TMEFF1: variants seen among roughly 807,000 people sequenced by gnomAD.
TMEFF1 encodes the protein transmembrane protein with EGF like and two follistatin like domains 1.
Under a neutral mutation model 47.5 loss-of-function variants are expected in TMEFF1, and 20 were observed. That is an observed-to-expected ratio of 0.42 (90% CI 0.30 to 0.61). The LOEUF is 0.61. Ranked by LOEUF, TMEFF1 falls within the 20% of genes least tolerant of loss-of-function variation. TMEFF1 has a pLI of 0.19. For missense variants in TMEFF1, 411 were observed against 471.1 expected (o/e 0.87, Z 1.18); for synonymous variants, 162 against 166.3 (o/e 0.97, Z 0.20).
rs182403567 is a variant in TMEFF1 at position 100,577,610 on chromosome 9, A to G, written c.*1010A>G. ...ATTTTAATATTTTGTTTGGAAAAGC[A>G]TGTTATAATATAATGTTTTCACTAT... On this transcript the variant is annotated 3_prime_UTR_variant, in exon 10 of 10. Transcript: ENST00000374879. The G allele has an allele frequency of 6.6e-6, 1 of 152,342 alleles. No individual in the cohort carries two copies. The highest frequency in any genetic ancestry group is 6.5e-5 in the Admixed American group (1 of 15,284). The allele number at this position is 152,342 out of a possible 1,614,324, so 9.4% of individuals were successfully genotyped here. A position where few individuals can be genotyped will look rare whatever the true frequency, so the allele number is the denominator to read the frequency against.
In TMEFF1 at chr9:100,568,570, C is replaced by T. The variant is rs2118568184; in HGVS notation, c.900-3948C>T. The stretch of plus-strand genomic sequence containing the variant: ...GATTGTATTTTGTGTCAACTGTCCT[C>T]CCTCCCTCCTTCCTTCCCTCCCTCT... On this transcript the variant is annotated intron_variant, in intron 8 of 9. Coordinates refer to ENST00000374879, the MANE Select transcript of TMEFF1 (RefSeq NM_003692.5). Among the ~76,000 whole-genome samples, 3 of 146,608 alleles carry T rather than the reference C, an allele frequency of 2.0e-5. No homozygotes were observed. The East Asian group carries it at 6.2e-4, about 30-fold the overall frequency.
intron 5 of TMEFF1, among the ~76,000 whole-genome samples, chr9:100,533,065 A>C (rs1838426058): frequency 1.6e-5 from 2 of 128,984 alleles, no homozygotes; most frequent in South Asian, 4.9e-4. Context: ...AGGAAGGGGA[A>C]TATCACACTC....
chr9:100,566,802 T>G (rs1303012619), intron 8 of TMEFF1, among the ~76,000 whole-genome samples: 3 of 152,124 alleles, frequency 2.0e-5, no homozygotes, highest in Non-Finnish European at 4.4e-5. Flanking sequence ...CCTCCTGGGT[T>G]CAAATGATTC....
intron 1 of TMEFF1, among the ~76,000 whole-genome samples, chr9:100,481,609 GGGTTTGAGTGACATTAT>G (rs1837339110): frequency 6.6e-6 from 1 of 152,170 alleles, no homozygotes; most frequent in Non-Finnish European, 1.5e-5. Context: ...AGCTTTTAAA[GGGTTTGAGTGACATTAT>G]GGTTTTAGAA....
chr9:100,512,584 C>T (rs1033001101), intron 3 of TMEFF1, among the ~76,000 whole-genome samples: 1 of 152,162 alleles, frequency 6.6e-6, no homozygotes, highest in African/African-American at 2.4e-5. Flanking sequence ...CATCATTACC[C>T]TCTTTTCAAC....
intron 4 of TMEFF1, among the ~76,000 whole-genome samples, chr9:100,514,620 A>G (rs548038281): frequency 6.7e-5 from 10 of 149,244 alleles, no homozygotes; most frequent in Non-Finnish European, 1.5e-4. Context: ...GGAAGCTGAG[A>G]TGGGAGGATC....
At chr9:100,515,912 C>T (rs1367993989) in intron 4 of TMEFF1, among the ~76,000 whole-genome samples, 3 of 152,168 alleles carry the variant, frequency 2.0e-5, no homozygotes, top group East Asian at 3.8e-4. Context: ...CAGAACTGAT[C>T]TCCCTGGCCA....
intron 5 of TMEFF1, among the ~76,000 whole-genome samples, chr9:100,523,974 T>C (rs1335598755): frequency 6.6e-6 from 1 of 152,200 alleles, no homozygotes; most frequent in Non-Finnish European, 1.5e-5. Context: ...CTTCGAAATT[T>C]AGTGCTGCCA....
At chr9:100,534,273 C>T (rs1838461808) in intron 5 of TMEFF1, among the ~76,000 whole-genome samples, 2 of 152,142 alleles carry the variant, frequency 1.3e-5, no homozygotes, top group African/African-American at 4.8e-5. Context: ...ATAGAGAAAA[C>T]ACTGGTCTCA....
intron 5 of TMEFF1, among the ~76,000 whole-genome samples, chr9:100,525,252 G>A (rs1192532189): frequency 6.6e-6 from 1 of 151,868 alleles, no homozygotes; most frequent in South Asian, 2.1e-4. Flanking sequence ...TGGAGTTAGC[G>A]CAGACCCACG....
intron 7 of TMEFF1, among the ~76,000 whole-genome samples, chr9:100,560,454 G>C (rs1838994743): frequency 6.6e-6 from 1 of 152,028 alleles, no homozygotes. Flanking sequence ...GCGGAATTCT[G>C]GGTCCTTTGA....
At chr9:100,490,665 A>G (rs1473638579) in intron 1 of TMEFF1, among the ~76,000 whole-genome samples, 1 of 151,456 alleles carries the variant, frequency 6.6e-6, no homozygotes, top group African/African-American at 2.4e-5. Flanking sequence ...GGTATAGCAA[A>G]CTGTCTCTGG....
chr9:100,529,934 G>C (rs888274965), intron 5 of TMEFF1, among the ~76,000 whole-genome samples: 2 of 152,112 alleles, frequency 1.3e-5, no homozygotes, highest in African/African-American at 4.8e-5. Context: ...TCAGGATTAA[G>C]AATCTCACTC....
At chr9:100,505,949 A>C (rs191433529) in intron 2 of TMEFF1, among the ~76,000 whole-genome samples, 59 of 152,352 alleles carry the variant, frequency 3.9e-4, no homozygotes, top group Non-Finnish European at 7.2e-4. Context: ...CATACTAGGT[A>C]TTGTGTAAAT....
At chr9:100,483,825 G>A (rs921658816) in intron 1 of TMEFF1, among the ~76,000 whole-genome samples, 1 of 151,640 alleles carries the variant, frequency 6.6e-6, no homozygotes, top group African/African-American at 2.4e-5. Flanking sequence ...TGTCAAGTTG[G>A]CCCCTACCAA....
Position 100,509,012 on chromosome 9 carries a change from C to A in TMEFF1, c.314C>A (p.Thr105Lys), listed in dbSNP as rs915211631. Residue 105 changes from threonine to lysine, a missense_variant, in exon 3 of 10, where the codon ACA becomes AAA. By Grantham distance (78) the Thr-to-Lys change is moderately conservative. Transcript: ENST00000374879. The stretch of plus-strand genomic sequence containing the variant: ...TTTTTGTTGCTTTTGCAGTGCCATA[C>A]AAATTATATTCCTGTCTGTGGATCA... ...LKCACQFQCH[T>K]NYIPVCGSNG... The A allele has an allele frequency of 1.3e-6, 2 of 1,584,456 alleles. No homozygotes were observed. The highest frequency in any genetic ancestry group is 3.8e-5 in the Admixed American group (2 of 52,350).
chr9:100,560,235 G>A (rs1564027706), intron 7 of TMEFF1, among the ~76,000 whole-genome samples: 1 of 152,142 alleles, frequency 6.6e-6, no homozygotes, highest in Non-Finnish European at 1.5e-5. Context: ...TATTGTACAT[G>A]CATTTGTTAT....
Position 100,473,794 on chromosome 9 carries a change from C to T in TMEFF1, c.196+54C>T. ...CTTCCCACCCCTCCGTTGCCGCCTCCCTCGTGGTCCCTGCGGTCGGCCGGG... is the reference window on the plus strand; with the variant it reads ...CTTCCCACCCCTCCGTTGCCGCCTCTCTCGTGGTCCCTGCGGTCGGCCGGG... On this transcript the variant is annotated intron_variant, in intron 1 of 9. Transcript: ENST00000374879. This position sits in a 1 kb window ranked among gnomAD's most constrained non-coding sequence, Gnocchi z 5.4. 7.1e-7 allele frequency: 1 copy of T among 1,412,024 alleles called. No individual in the cohort carries two copies. The highest frequency in any genetic ancestry group is 9.3e-7 in the Non-Finnish European group (1 of 1,075,240). 87.5% of individuals were successfully genotyped at this position (1,412,024 alleles called of 1,614,324 possible).
Position 100,576,774 on chromosome 9 carries a change from G to T in TMEFF1, c.*174G>T. The T allele has an allele frequency of 1.6e-6, 1 of 638,506 alleles. No homozygotes were observed. Among genetic ancestry groups the T allele is most frequent in the Non-Finnish European group, 2.4e-6 (1 of 419,828 alleles). 39.6% of individuals were successfully genotyped at this position (638,506 alleles called of 1,614,324 possible). On this transcript the variant is annotated 3_prime_UTR_variant, in exon 10 of 10. Transcript: ENST00000374879. Reference sequence around the variant, plus strand: ...AGTTTTGGACTGTTTAGTAGTCTTTGTTTTATGTTTTTAAATACAGAAATT... The same window carrying T: ...AGTTTTGGACTGTTTAGTAGTCTTTTTTTTATGTTTTTAAATACAGAAATT...
Sources: gnomAD v4.1 joint callset for allele counts (sites outside exome capture counted in the v4.1 genomes callset) on GRCh38, gnomAD v4.1.1 for gene constraint, Gnocchi (gnomAD v3.1) non-coding constraint, MANE v1.5 for transcripts, NCBI Gene and HGNC (gene_info 2026-07-23, HGNC 2026-07-21) for gene names.